Variants in SUZ12 observed in about 807,000 individuals in gnomAD.
SUZ12 encodes the protein SUZ12 polycomb repressive complex 2 subunit, also known as polycomb protein SUZ12.
In SUZ12, 17 loss-of-function variants were observed where a neutral mutation model predicts 87.3. That is an observed-to-expected ratio of 0.19 (90% CI 0.13 to 0.29). SUZ12 has a LOEUF of 0.29. Ranked by LOEUF, SUZ12 falls within the 10% of genes least tolerant of loss-of-function variation. SUZ12 has a pLI of 1.00. For synonymous variants in SUZ12, 253 were observed against 312.4 expected (o/e 0.81, Z 2.01); for missense variants, 526 against 912.2 (o/e 0.58, Z 5.45).
rs144547379 is a variant in SUZ12, at chr17:32,000,817, C to T, written c.*1814C>T. The T allele has an allele frequency of 1.7e-4, 39 of 227,112 alleles. No individual in the cohort carries two copies. Among genetic ancestry groups the T allele is most frequent in the African/African-American group, 8.4e-4 (38 of 45,034 alleles). 14.1% of individuals were successfully genotyped at this position (227,112 alleles called of 1,614,324 possible). On this transcript the variant is annotated 3_prime_UTR_variant, in exon 16 of 16. Transcript: ENST00000322652. ...CTGTTGAGTAAACTTTTTATGTCATCGTAAAAGCTGAAAAAATCCCTTTGT... is the reference window on the plus strand; with the variant it reads ...CTGTTGAGTAAACTTTTTATGTCATTGTAAAAGCTGAAAAAATCCCTTTGT...
rs573213321 is a variant in SUZ12 at position 31,937,411 on chromosome 17, C to A, written c.165C>A (p.Ser55=). The A allele has an allele frequency of 7.1e-6, 11 of 1,541,944 alleles. No homozygotes were observed. The South Asian group carries it at 1.3e-4, about 18-fold the overall frequency. ...SCGGGGSYSA[S]SSSSAAAAAG... ...GAGGGGGTGGCAGTTACTCGGCCTC[C>A]TCCTCCTCCTCCGCGGCGGCAGCGG... Residue 55 remains serine, a synonymous_variant, in exon 1 of 16, where the codon TCC becomes TCA. Coordinates refer to ENST00000322652, the MANE Select transcript of SUZ12 (RefSeq NM_015355.4).
At chr17:31,982,532 G>A (rs367813300) in intron 8 of SUZ12, among the ~76,000 whole-genome samples, 1 of 152,196 alleles carries the variant, frequency 6.6e-6, no homozygotes, top group South Asian at 2.1e-4. Flanking sequence ...AGTGGCACGC[G>A]CCTGTAATCC....
At chr17:31,987,049 G>GT (rs889688000) in intron 9 of SUZ12, among the ~76,000 whole-genome samples, 2 of 145,912 alleles carry the variant, frequency 1.4e-5, no homozygotes, top group African/African-American at 2.6e-5. Flanking sequence ...TATAACAAAG[G>GT]TTTTTTTGTT....
At chr17:31,941,619 G>A (rs576827808) in intron 3 of SUZ12, among the ~76,000 whole-genome samples, 10 of 150,988 alleles carry the variant, frequency 6.6e-5, no homozygotes, top group Admixed American at 4.6e-4. Flanking sequence ...GCGCAACCTC[G>A]GCTCACTGCA....
chr17:31,968,253 T>G (rs770244157), intron 5 of SUZ12, among the ~76,000 whole-genome samples: 1 of 152,096 alleles, frequency 6.6e-6, no homozygotes, highest in Non-Finnish European at 1.5e-5. Flanking sequence ...CTTTGGGGGT[T>G]GTTTGTTTGT....
chr17:31,985,849 G>A (rs146296634), intron 9 of SUZ12, among the ~76,000 whole-genome samples: 3 of 151,984 alleles, frequency 2.0e-5, no homozygotes, highest in Admixed American at 1.3e-4. Flanking sequence ...TTTTAGTAGA[G>A]ATGGAGTTTC....
intron 3 of SUZ12, among the ~76,000 whole-genome samples, chr17:31,947,188 T>G (rs377168358): frequency 2.3e-4 from 35 of 152,328 alleles, no homozygotes; most frequent in South Asian, 1.2e-3. Flanking sequence ...CTACCAAGTA[T>G]AAGGCACTAT....
intron 4 of SUZ12, among the ~76,000 whole-genome samples, chr17:31,953,798 C>T (rs140270181): frequency 6.7e-6 from 1 of 150,086 alleles, no homozygotes; most frequent in African/African-American, 2.5e-5. Flanking sequence ...ACTGCAACCT[C>T]TAACTCCTTG....
chr17:31,973,125 A>T (rs1468116105), intron 5 of SUZ12, 21 bp from the exon 6 acceptor site: 4 of 1,519,926 alleles, frequency 2.6e-6, no homozygotes, highest in East Asian at 4.9e-5. Context: ...ATATATTTTA[A>T]AATACTGATT....
intron 5 of SUZ12, among the ~76,000 whole-genome samples, chr17:31,970,456 C>G (rs539502153): frequency 3.6e-4 from 55 of 151,952 alleles, no homozygotes; most frequent in Non-Finnish European, 5.7e-4. Flanking sequence ...GGTGAAGCCC[C>G]GTCTCTACTG....
At chr17:31,962,552 C>G (rs553210173) in intron 4 of SUZ12, among the ~76,000 whole-genome samples, 1 of 152,182 alleles carries the variant, frequency 6.6e-6, no homozygotes, top group Non-Finnish European at 1.5e-5. Flanking sequence ...GATTGTGCCA[C>G]TGTATACCAG....
intron 4 of SUZ12, among the ~76,000 whole-genome samples, chr17:31,960,329 G>A (rs1311815573): frequency 6.6e-6 from 1 of 152,024 alleles, no homozygotes; most frequent in African/African-American, 2.4e-5. Context: ...TCCTGCCTCA[G>A]CCTCCTGAGT....
At chr17:31,944,241 G>A (rs1382871613) in intron 3 of SUZ12, among the ~76,000 whole-genome samples, 2 of 151,858 alleles carry the variant, frequency 1.3e-5, no homozygotes, top group Admixed American at 1.3e-4. Flanking sequence ...TGATTCTCCT[G>A]CCTCAGCCTC....
intron 2 of SUZ12, 36 bp downstream of exon 2, chr17:31,940,368 C>T (rs1405543689): frequency 3.1e-6 from 5 of 1,592,652 alleles, no homozygotes; most frequent in Non-Finnish European, 4.3e-6. Flanking sequence ...TATTATTTCT[C>T]TCTTATAACT....
intron 5 of SUZ12, among the ~76,000 whole-genome samples, chr17:31,970,134 T>G (rs893395037): frequency 1.4e-4 from 22 of 152,298 alleles, no homozygotes; most frequent in African/African-American, 5.3e-4. Context: ...TGAAACTGCT[T>G]CTTAGAATGA....
intron 4 of SUZ12, among the ~76,000 whole-genome samples, chr17:31,962,506 G>T (rs1464288728): frequency 2.0e-5 from 3 of 152,140 alleles, no homozygotes; most frequent in African/African-American, 7.2e-5. Flanking sequence ...TGGGAGAATC[G>T]TTTGAGCCTG....
chr17:31,982,684 A>G (rs1045954717), intron 8 of SUZ12, among the ~76,000 whole-genome samples: 9 of 151,262 alleles, frequency 5.9e-5, no homozygotes, highest in African/African-American at 2.2e-4. Flanking sequence ...AAATAAATAA[A>G]GCCTGTACTT....
chr17:31,975,060 A>G (rs926375356), intron 6 of SUZ12, among the ~76,000 whole-genome samples: 2 of 152,094 alleles, frequency 1.3e-5, no homozygotes, highest in African/African-American at 4.8e-5. Flanking sequence ...TAATGGTCCT[A>G]TTAGTCACTG....
At chr17:31,979,103 CA>C (rs61307349) in intron 8 of SUZ12, among the ~76,000 whole-genome samples, 1,237 of 65,234 alleles carry the variant, frequency 0.019, 6 homozygotes, top group Admixed American at 0.029. Flanking sequence ...ACTGTGTCTC[CA>C]AAAAAAAAAA....
Sources: gnomAD v4.1 joint callset for allele counts (sites outside exome capture counted in the v4.1 genomes callset) on GRCh38, gnomAD v4.1.1 for gene constraint, MANE v1.5 for transcripts, NCBI Gene and HGNC (gene_info 2026-07-23, HGNC 2026-07-21) for gene names.